Variants in RANBP2 observed in about 807,000 individuals in gnomAD.
RANBP2 encodes the protein RAN binding protein 2.
In RANBP2, 57 loss-of-function variants were observed where a neutral mutation model predicts 303.6. That is an observed-to-expected ratio of 0.19 (90% CI 0.15 to 0.23). The LOEUF is 0.23. Among genes scored for constraint, RANBP2 ranks in the 10% least tolerant of loss-of-function variants. The pLI, the probability that RANBP2 is intolerant of heterozygous loss-of-function variation, is 1.00. For synonymous variants in RANBP2, 1,167 were observed against 1,301.5 expected (o/e 0.90, Z 2.23); for missense variants, 3,138 against 3,780.8 (o/e 0.83, Z 4.46).
the RANBP2 span, among the ~76,000 whole-genome samples, chr2:109,428,283 A>G: frequency 2.6e-5 from 4 of 152,278 alleles, no homozygotes; most frequent in Non-Finnish European, 5.9e-5. Context: ...CGAAGGCACT[A>G]AAATACTTTG....
chr2:109,437,260 G>GC, the RANBP2 span: 1 of 1,420,866 alleles, frequency 7.0e-7, no homozygotes, highest in Admixed American at 2.8e-5. Flanking sequence ...GCTGGTGGCA[G>GC]CTTCATGGCA....
At chr2:108,746,871 A>G (rs1453934480) in intron 8 of RANBP2, 73 bp downstream of exon 8, 1 of 611,884 alleles carries the variant, frequency 1.6e-6, no homozygotes, top group East Asian at 2.8e-5. Context: ...TTATGATAAA[A>G]TCTTCATCTG....
the RANBP2 span, among the ~76,000 whole-genome samples, chr2:109,356,284 C>G: frequency 6.6e-6 from 1 of 152,118 alleles, no homozygotes; most frequent in East Asian, 1.9e-4. Context: ...TCCTGAGGTC[C>G]CACACAGCCA....
At chr2:108,820,971 G>A in the RANBP2 span, among the ~76,000 whole-genome samples, 121,885 of 152,150 alleles carry the variant, frequency 0.8, 49,091 homozygotes, top group East Asian at 0.95. Context: ...ATCCTGGTAT[G>A]TAAGTTGATT....
At chr2:109,249,793 A>G in the RANBP2 span, among the ~76,000 whole-genome samples, 4 of 151,780 alleles carry the variant, frequency 2.6e-5, no homozygotes, top group East Asian at 5.8e-4. Context: ...AGTAGCTGGG[A>G]CTACAGGCGC....
chr2:109,155,533 C>A, the RANBP2 span, among the ~76,000 whole-genome samples: 1 of 152,118 alleles, frequency 6.6e-6, no homozygotes, highest in African/African-American at 2.4e-5. Flanking sequence ...GATCTCCTGA[C>A]CTCGTGATCC....
At chr2:109,677,647 C>T in the RANBP2 span, among the ~76,000 whole-genome samples, 8 of 152,208 alleles carry the variant, frequency 5.3e-5, no homozygotes, top group Admixed American at 2.0e-4. Context: ...CTGTGCACGT[C>T]CTGCCTTCTC....
the RANBP2 span, among the ~76,000 whole-genome samples, chr2:109,055,933 C>T: frequency 0.012 from 1,816 of 147,810 alleles, 39 homozygotes; most frequent in African/African-American, 0.042. Context: ...CTAATTTTCG[C>T]ATTTTTAGTA....
At chr2:108,752,092 C>A in intron 12 of RANBP2, 98 bp downstream of exon 12, 1 of 1,596,256 alleles carries the variant, frequency 6.3e-7, no homozygotes. Flanking sequence ...AAAACAGCAG[C>A]TTGGTCACAT....
At chr2:108,884,892 C>T in the RANBP2 span, 1 of 151,288 alleles carries the variant, frequency 6.6e-6, no homozygotes, top group Non-Finnish European at 1.5e-5. Flanking sequence ...CACCTCTGCT[C>T]TGTGGCCAGG....
At chr2:109,286,034 G>A in the RANBP2 span, among the ~76,000 whole-genome samples, 1 of 152,200 alleles carries the variant, frequency 6.6e-6, no homozygotes, top group Non-Finnish European at 1.5e-5. Context: ...CTGATCTGCT[G>A]CTTAGAATCA....
At chr2:109,398,947 A>G in the RANBP2 span, 1 of 1,607,828 alleles carries the variant, frequency 6.2e-7, no homozygotes, top group Non-Finnish European at 8.5e-7. Flanking sequence ...CACCCAGGTA[A>G]CATCCCGCGG....
chr2:109,544,090 A>G, the RANBP2 span: 1 of 1,447,118 alleles, frequency 6.9e-7, no homozygotes, highest in Admixed American at 2.2e-5. Flanking sequence ...TGGATTTCAG[A>G]TTTTTGAATT....
At chr2:108,850,188 A>T in the RANBP2 span, among the ~76,000 whole-genome samples, 80 of 152,336 alleles carry the variant, frequency 5.3e-4, no homozygotes, top group Non-Finnish European at 7.1e-4. Flanking sequence ...AAAACTCTTA[A>T]ATCCTAAGAG....
the RANBP2 span, among the ~76,000 whole-genome samples, chr2:108,966,582 T>C: frequency 6.6e-6 from 1 of 152,350 alleles, no homozygotes; most frequent in African/African-American, 2.4e-5. Flanking sequence ...ACAATAGTCA[T>C]CAGAGAGTTC....
the RANBP2 span, among the ~76,000 whole-genome samples, chr2:108,807,444 T>C: frequency 6.6e-6 from 1 of 152,218 alleles, no homozygotes; most frequent in Admixed American, 6.5e-5. Flanking sequence ...CAGTAATGTG[T>C]AATGATCACA....
At chr2:109,098,415 TG>T in the RANBP2 span, among the ~76,000 whole-genome samples, 3 of 152,212 alleles carry the variant, frequency 2.0e-5, no homozygotes, top group Non-Finnish European at 2.9e-5. Flanking sequence ...CAATCTCCAG[TG>T]GGTGTGACAA....
chr2:109,465,777 G>C, the RANBP2 span, among the ~76,000 whole-genome samples: 1 of 152,188 alleles, frequency 6.6e-6, no homozygotes, highest in Admixed American at 6.5e-5. Flanking sequence ...GCAGGAGCAG[G>C]AGCAAGAGGG....
At chr2:109,416,283 G>A in the RANBP2 span, among the ~76,000 whole-genome samples, 2 of 152,028 alleles carry the variant, frequency 1.3e-5, no homozygotes, top group African/African-American at 2.4e-5. Context: ...AACTTCCTAG[G>A]GCTGCTGCAT....
Sources: allele counts gnomAD v4.1 joint callset (sites outside exome capture counted in the v4.1 genomes callset), GRCh38; gene constraint gnomAD v4.1.1; transcripts MANE v1.5; gene names NCBI Gene and HGNC (gene_info 2026-07-23, HGNC 2026-07-21).